Variants in SPECC1 observed in about 807,000 individuals in gnomAD.
SPECC1 encodes the protein cytospin-B.
In SPECC1, 62 loss-of-function variants were observed where a neutral mutation model predicts 104.1. The ratio of observed to expected loss-of-function variants is 0.60; its 90% CI spans 0.49 to 0.74. The LOEUF (loss-of-function observed/expected upper bound fraction) is 0.74. Among genes scored for constraint, SPECC1 ranks in the 30% least tolerant of loss-of-function variants. The probability of loss-of-function intolerance (pLI) is 0.00; values close to 1 mark genes in which losing one functional copy is unlikely to be tolerated. For synonymous variants in SPECC1, 513 were observed against 501.6 expected (o/e 1.02, Z -0.30); for missense variants, 1,306 against 1,310.5 (o/e 1.00, Z 0.05).
At chr17:20,163,239 A>G (rs1416896567) in intron 3 of SPECC1, among the ~76,000 whole-genome samples, 1 of 152,212 alleles carries the variant, frequency 6.6e-6, no homozygotes, top group Admixed American at 6.5e-5. Flanking sequence ...AAATTAAGTC[A>G]TTTAAAGTTG....
At chr17:20,187,015 T>C (rs995380926) in intron 3 of SPECC1, among the ~76,000 whole-genome samples, 1 of 152,200 alleles carries the variant, frequency 6.6e-6, no homozygotes, top group Non-Finnish European at 1.5e-5. Flanking sequence ...TCTGAAATGC[T>C]TGGGACCAGA....
At chr17:20,280,047 T>A (rs182103344) in intron 12 of SPECC1, among the ~76,000 whole-genome samples, 14 of 152,272 alleles carry the variant, frequency 9.2e-5, no homozygotes, top group Admixed American at 3.9e-4. Flanking sequence ...TTGAGGGCAA[T>A]TTGGCAGAAT....
At chr17:20,258,586 GC>G (rs1205814624) in intron 11 of SPECC1, among the ~76,000 whole-genome samples, 1 of 152,122 alleles carries the variant, frequency 6.6e-6, no homozygotes, top group Non-Finnish European at 1.5e-5. Flanking sequence ...CCACAACTTA[GC>G]ACCACCCCAC....
At chr17:20,229,272 T>A (rs1286833513) in intron 5 of SPECC1, among the ~76,000 whole-genome samples, 3 of 152,146 alleles carry the variant, frequency 2.0e-5, no homozygotes, top group African/African-American at 7.2e-5. Flanking sequence ...CACAGTGAGG[T>A]TGAGACGCAC....
intron 12 of SPECC1, among the ~76,000 whole-genome samples, chr17:20,271,342 A>G (rs1598117367): frequency 1.4e-5 from 2 of 146,602 alleles, no homozygotes; most frequent in East Asian, 2.0e-4. Flanking sequence ...TTTCTTTTTC[A>G]CTCCCACCCC....
rs2042037106 is a variant in SPECC1 at position 20,316,103 on chromosome 17, G to A, written c.*2038G>A. On this transcript the variant is annotated 3_prime_UTR_variant, in exon 15 of 15. Coordinates refer to ENST00000395527, the MANE Select transcript of SPECC1 (RefSeq NM_001243439.2). ...ATGCCTTTGTATTTAAATGAAACTCGACACATAGAACCAATTCAACCTGAA... is the reference window on the plus strand; with the variant it reads ...ATGCCTTTGTATTTAAATGAAACTCAACACATAGAACCAATTCAACCTGAA... 8.6e-6 allele frequency: 2 copies of A among 231,870 alleles called. No homozygotes were observed. The highest frequency in any genetic ancestry group is 1.8e-4 in the South Asian group (1 of 5,520). The allele number at this position is 231,870 out of a possible 1,614,324, so 14.4% of individuals were successfully genotyped here. A position where few individuals can be genotyped will look rare whatever the true frequency, so the allele number is the denominator to read the frequency against.
intron 3 of SPECC1, among the ~76,000 whole-genome samples, chr17:20,188,268 T>C (rs12937452): frequency 3.1e-4 from 42 of 136,884 alleles, no homozygotes; most frequent in Non-Finnish European, 5.3e-4. Flanking sequence ...TTTTTTTTTT[T>C]CTTTTTTTGG....
chr17:20,088,758 A>G (rs1484835146), intron 1 of SPECC1, among the ~76,000 whole-genome samples: 1 of 152,122 alleles, frequency 6.6e-6, no homozygotes, highest in Non-Finnish European at 1.5e-5. Flanking sequence ...TATTGTCTGA[A>G]TGTTGATGTA....
intron 1 of SPECC1, among the ~76,000 whole-genome samples, chr17:20,075,900 T>A (rs2046742091): frequency 6.6e-6 from 1 of 152,160 alleles, no homozygotes; most frequent in African/African-American, 2.4e-5. Flanking sequence ...TGAGCTGTGA[T>A]CATGCCACTA....
At chr17:20,247,093 A>C in intron 8 of SPECC1, 126 bp from the exon 9 acceptor site, 1 of 637,254 alleles carries the variant, frequency 1.6e-6, no homozygotes, top group South Asian at 2.5e-5. Context: ...AGGATAATAG[A>C]GTAAATATTA....
Position 20,165,943 on chromosome 17 carries a change from C to G in SPECC1, c.284-38390C>G, listed in dbSNP as rs2033610957. On this transcript the variant is annotated intron_variant, in intron 3 of 14. Transcript: ENST00000395527. ...TTCCTTGTAGATTCTGGATATTAGA[C>G]TTTTGTCAGATGGATAGCTTGCAAA... is the stretch of plus-strand genomic sequence containing the variant. 2.0e-5 allele frequency among the ~76,000 whole-genome samples: 3 copies of G among 151,888 alleles called. No homozygotes were observed. In the South Asian group the frequency reaches 6.2e-4, roughly 32 times the overall value.
intron 13 of SPECC1, among the ~76,000 whole-genome samples, chr17:20,304,433 A>G (rs1220783509): frequency 6.6e-6 from 1 of 152,212 alleles, no homozygotes; most frequent in East Asian, 1.9e-4. Flanking sequence ...AGCATGAACA[A>G]ATGATTCTTA....
intron 9 of SPECC1, among the ~76,000 whole-genome samples, chr17:20,247,849 T>C (rs1218776005): frequency 6.6e-6 from 1 of 152,196 alleles, no homozygotes; most frequent in African/African-American, 2.4e-5. Flanking sequence ...GAGATGACTG[T>C]AGTTAAGCAG....
intron 3 of SPECC1, among the ~76,000 whole-genome samples, chr17:20,148,515 A>G (rs1338684533): frequency 6.7e-6 from 1 of 150,298 alleles, no homozygotes; most frequent in African/African-American, 2.5e-5. Flanking sequence ...TTTTTAACTC[A>G]AAAGCAAAAA....
At chr17:20,125,969 T>C (rs1216015211) in intron 3 of SPECC1, among the ~76,000 whole-genome samples, 2 of 152,172 alleles carry the variant, frequency 1.3e-5, no homozygotes, top group Non-Finnish European at 2.9e-5. Flanking sequence ...TCTGTGACTT[T>C]CTCTGTTGGC....
chr17:20,306,021 A>T lies in SPECC1; in HGVS notation c.3058-2A>T. ...TCCAGTCTCTTTGTCTTTTTAACTTAGAAGAGGAATCTCTTGTTGGCATTT... is the reference window on the plus strand; with the variant it reads ...TCCAGTCTCTTTGTCTTTTTAACTTTGAAGAGGAATCTCTTGTTGGCATTT... On this transcript the variant is annotated splice_acceptor_variant, in intron 13 of 14. Transcript: ENST00000395527. LOFTEE classifies it high-confidence loss of function. 1 of 1,613,720 alleles carries T rather than the reference A, an allele frequency of 6.2e-7. No homozygotes were observed. The highest frequency in any genetic ancestry group is 8.5e-7 in the Non-Finnish European group (1 of 1,179,866).
intron 3 of SPECC1, among the ~76,000 whole-genome samples, chr17:20,189,203 C>G (rs1447725803): frequency 6.6e-6 from 1 of 152,192 alleles, no homozygotes; most frequent in Non-Finnish European, 1.5e-5. Context: ...CCTCCTTATT[C>G]TCAGTGTTTG....
intron 1 of SPECC1, among the ~76,000 whole-genome samples, chr17:20,045,724 A>G (rs775338243): frequency 5.9e-4 from 90 of 152,276 alleles, no homozygotes; most frequent in Non-Finnish European, 1.1e-3. Flanking sequence ...CAGACTTGGC[A>G]GGGTTGGCCA....
At chr17:20,234,653 T>A (rs2038799871) in intron 7 of SPECC1, among the ~76,000 whole-genome samples, 2 of 152,168 alleles carry the variant, frequency 1.3e-5, no homozygotes, top group Admixed American at 6.5e-5. Flanking sequence ...TGCAGAGCAT[T>A]CTCTGACGAG....
Sources: allele counts gnomAD v4.1 joint callset (sites outside exome capture counted in the v4.1 genomes callset), GRCh38; gene constraint gnomAD v4.1.1; transcripts MANE v1.5; gene names NCBI Gene and HGNC (gene_info 2026-07-23, HGNC 2026-07-21).